The following ZNF568 variants were observed in gnomAD, a reference collection of about 807,000 sequenced individuals.
The protein encoded by ZNF568 is zinc finger protein 568.
ZNF568 carries 11 observed loss-of-function variants against 18.1 expected under a neutral mutation model. That is an observed-to-expected ratio of 0.61 (90% CI 0.38 to 1.00). ZNF568 has a LOEUF of 1.00. ZNF568 is among the 50% of genes least tolerant of loss of function. The pLI, the probability that ZNF568 is intolerant of heterozygous loss-of-function variation, is 0.01. For synonymous variants in ZNF568, 213 were observed against 246.6 expected, an observed-to-expected ratio of 0.86 and a Z score of 1.28; for missense variants, 639 against 768.2, an observed-to-expected ratio of 0.83 and a Z score of 1.99.
chr19:36,978,328 G>A (rs191387870), intron 7 of ZNF568, among the ~76,000 whole-genome samples: 1 of 152,256 alleles, frequency 6.6e-6, no homozygotes, highest in East Asian at 1.9e-4. Context: ...AACATTTCCT[G>A]CCCTGATTCC....
chr19:36,997,362 T>C, downstream of ZNF568: 1 of 1,593,536 alleles, frequency 6.3e-7, no homozygotes, highest in Non-Finnish European at 8.5e-7. Context: ...AGAGAGCTCA[T>C]ACTGGTGAAA....
At chr19:36,954,971 C>G (rs1392643656), downstream of ZNF568, among the ~76,000 whole-genome samples, 1 of 151,948 alleles carries the variant, frequency 6.6e-6, no homozygotes, top group African/African-American at 2.4e-5. Flanking sequence ...CCTGCGCCTC[C>G]TGGGTTCAAG....
intron 6 of ZNF568, 106 bp downstream of exon 6, chr19:36,937,348 C>A (rs1300209358): frequency 3.7e-6 from 3 of 805,954 alleles, no homozygotes; most frequent in South Asian, 2.1e-5. Context: ...AGGCCTTATT[C>A]TTCTAGAGTG....
At position 36,922,878 on chromosome 19, in the gene ZNF568, G is replaced by A. The variant is rs756857301; in HGVS notation, c.76+32G>A. On this transcript the variant is annotated intron_variant, in intron 3 of 6. Transcript: ENST00000333987. ...TGGCTCATAGGTGGACAGAGCTTAG[G>A]AGAGAAAGGCTCTACATTTGGGGAC... The A allele has an allele frequency of 4.4e-6, 7 of 1,599,038 alleles. No homozygotes were observed. The Admixed American group carries it at 6.7e-5, about 15-fold the overall frequency.
chr19:36,976,686 G>A (rs776259334), intron 7 of ZNF568, among the ~76,000 whole-genome samples: 2 of 152,128 alleles, frequency 1.3e-5, no homozygotes, highest in Non-Finnish European at 1.5e-5. Context: ...CAAGGCGGGC[G>A]GATCACCTGA....
chr19:36,921,629 A>G (rs1350142162), intron 2 of ZNF568, among the ~76,000 whole-genome samples: 2 of 151,808 alleles, frequency 1.3e-5, no homozygotes, highest in Non-Finnish European at 2.9e-5. Flanking sequence ...TTTGTTACAT[A>G]TATTTTTTTT....
At chr19:36,966,894 G>A (rs1329287832) in intron 6 of ZNF568, among the ~76,000 whole-genome samples, 1 of 152,218 alleles carries the variant, frequency 6.6e-6, no homozygotes, top group Non-Finnish European at 1.5e-5. Context: ...GAGAGACCGT[G>A]TGCTCCAGAC....
chr19:36,941,594 T>G (rs1332488113), intron 6 of ZNF568, among the ~76,000 whole-genome samples: 1 of 152,182 alleles, frequency 6.6e-6, no homozygotes, highest in African/African-American at 2.4e-5. Context: ...TCAAGTATGT[T>G]TAGATAGAAA....
chr19:36,981,813 G>T (rs1306201810), downstream of ZNF568, among the ~76,000 whole-genome samples: 1 of 152,034 alleles, frequency 6.6e-6, no homozygotes, highest in Non-Finnish European at 1.5e-5. Context: ...GGATGAGGCT[G>T]CGGTGAGCTA....
intron 7 of ZNF568, among the ~76,000 whole-genome samples, chr19:36,976,003 T>C (rs2074282170): frequency 6.6e-6 from 1 of 152,120 alleles, no homozygotes; most frequent in Non-Finnish European, 1.5e-5. Context: ...CTCAATTTCT[T>C]ATAACCTGGA....
chr19:36,980,105 T>C (rs1413631966), downstream of ZNF568: 2 of 152,224 alleles, frequency 1.3e-5, no homozygotes, highest in Non-Finnish European at 2.9e-5. Context: ...TTTTAATGCT[T>C]TGTATGCATT....
At chr19:36,956,922 A>T (rs1301944989), downstream of ZNF568, among the ~76,000 whole-genome samples, 1 of 152,178 alleles carries the variant, frequency 6.6e-6, no homozygotes, top group Non-Finnish European at 1.5e-5. Context: ...ATTCATTTGA[A>T]ACTAATAAAC....
At chr19:36,966,291 A>G (rs565986796) in intron 6 of ZNF568, among the ~76,000 whole-genome samples, 5 of 152,048 alleles carry the variant, frequency 3.3e-5, no homozygotes, top group African/African-American at 1.2e-4. Flanking sequence ...CAAAAAGAAA[A>G]AAAGAAATGG....
chr19:36,928,134 T>C (rs1034975007), intron 4 of ZNF568, among the ~76,000 whole-genome samples: 2 of 150,932 alleles, frequency 1.3e-5, no homozygotes, highest in African/African-American at 4.9e-5. Flanking sequence ...CAGGCTGACC[T>C]CAAGTGATTC....
rs532058843 is a variant in ZNF568 at position 36,937,136 on chromosome 19, T to A, written c.263-11T>A. On this transcript the variant is annotated splice_polypyrimidine_tract_variant and intron_variant, in intron 5 of 6. Transcript: ENST00000333987. Reference sequence around the variant, plus strand: ...ATTGACATCCACATCCTTTGCTATTTCTTGTAATAGGCTGTCAAGTCACCA... The same window carrying A: ...ATTGACATCCACATCCTTTGCTATTACTTGTAATAGGCTGTCAAGTCACCA... 1.2e-6 allele frequency: 2 copies of A among 1,612,786 alleles called. No homozygotes were observed. Among genetic ancestry groups the A allele is most frequent in the East Asian group, 2.2e-5 (1 of 44,868 alleles).
At chr19:36,991,163 T>C in intron 2 of ZNF568, 1 of 1,526,000 alleles carries the variant, frequency 6.6e-7, no homozygotes, top group Non-Finnish European at 8.7e-7. Flanking sequence ...GGTGTATTTA[T>C]TTTTGGTTTC....
At chr19:36,993,128 C>T (rs1445923215) in intron 4 of ZNF568, among the ~76,000 whole-genome samples, 2 of 152,128 alleles carry the variant, frequency 1.3e-5, no homozygotes, top group East Asian at 3.8e-4. Context: ...TTCTTTTCTT[C>T]GTTTGTTGAG....
At chr19:36,957,219 CTTTTTTTTTTT>C (rs56712509), downstream of ZNF568, among the ~76,000 whole-genome samples, 4 of 69,562 alleles carry the variant, frequency 5.8e-5, no homozygotes, top group African/African-American at 1.0e-4. Flanking sequence ...CCAGACTGTT[CTTTTTTTTTTT>C]TTTTTTTTTT....
chr19:36,985,997 T>C (rs747384251), intron 2 of ZNF568, among the ~76,000 whole-genome samples: 22 of 152,232 alleles, frequency 1.4e-4, no homozygotes, highest in Non-Finnish European at 2.8e-4. Context: ...GAGGCCTGAT[T>C]GAAGGTTGTT....
Sources: allele counts gnomAD v4.1 joint callset (sites outside exome capture counted in the v4.1 genomes callset), GRCh38; gene constraint gnomAD v4.1.1; transcripts MANE v1.5; gene names NCBI Gene and HGNC (gene_info 2026-07-23, HGNC 2026-07-21).